The following TENM3 variants were observed in gnomAD, a reference collection of about 807,000 sequenced individuals.
The protein encoded by TENM3 is teneurin transmembrane protein 3.
In TENM3, 63 loss-of-function variants were observed where a neutral mutation model predicts 255.1. That is an observed-to-expected ratio of 0.25 (90% CI 0.20 to 0.30). The LOEUF is 0.30. Among genes scored for constraint, TENM3 ranks in the 10% least tolerant of loss-of-function variants. TENM3 has a pLI of 1.00. For missense variants in TENM3, 2,929 were observed against 3,461.1 expected, an observed-to-expected ratio of 0.85 and a Z score of 3.86; for synonymous variants, 1,306 against 1,322.3, an observed-to-expected ratio of 0.99 and a Z score of 0.27.
chr4:182,050,936 G>A, the TENM3 span, among the ~76,000 whole-genome samples: 2 of 152,182 alleles, frequency 1.3e-5, no homozygotes, highest in South Asian at 2.1e-4. Flanking sequence ...TACAGTGGCT[G>A]GCATAGGAAT....
chr4:181,843,458 G>T, the TENM3 span, among the ~76,000 whole-genome samples: 1 of 152,042 alleles, frequency 6.6e-6, no homozygotes, highest in Non-Finnish European at 1.5e-5. Flanking sequence ...ATCTTGTGAG[G>T]CGCCAGTATA....
At chr4:181,718,332 T>C in the TENM3 span, among the ~76,000 whole-genome samples, 1 of 152,202 alleles carries the variant, frequency 6.6e-6, no homozygotes, top group East Asian at 1.9e-4. Context: ...TACCCGTCAC[T>C]GAAACTTTGT....
chr4:182,239,071 GTGTAT>G (rs1757079560), upstream of TENM3, among the ~76,000 whole-genome samples: 1 of 120,736 alleles, frequency 8.3e-6, no homozygotes, highest in South Asian at 2.4e-4. Context: ...GTGTGTGTGT[GTGTAT>G]TTTTTTTTTT....
chr4:182,514,205 T>G (rs1163028897), intron 3 of TENM3, among the ~76,000 whole-genome samples: 2 of 152,198 alleles, frequency 1.3e-5, no homozygotes, highest in African/African-American at 2.4e-5. Context: ...CTAAATGTTG[T>G]GCGCCTAAAT....
intron 1 of TENM3, among the ~76,000 whole-genome samples, chr4:182,284,148 G>A (rs1254907504): frequency 2.0e-5 from 3 of 152,180 alleles, no homozygotes; most frequent in African/African-American, 7.2e-5. Flanking sequence ...GAACACTTCA[G>A]GTTAGGGTTT....
At chr4:181,913,977 A>G in the TENM3 span, among the ~76,000 whole-genome samples, 30,318 of 152,144 alleles carry the variant, frequency 0.2, 3,300 homozygotes, top group South Asian at 0.3. Context: ...AGAAGATGGT[A>G]GTAGAGCAAA....
At chr4:182,574,604 CCTTT>C (rs1286402340) in intron 3 of TENM3, among the ~76,000 whole-genome samples, 2 of 151,888 alleles carry the variant, frequency 1.3e-5, no homozygotes, top group African/African-American at 4.8e-5. Flanking sequence ...ATTATTTTGG[CCTTT>C]CTGACAGTCA....
chr4:182,785,836 A>C (rs1765608907), intron 24 of TENM3, among the ~76,000 whole-genome samples: 1 of 151,298 alleles, frequency 6.6e-6, no homozygotes, highest in South Asian at 2.1e-4. Flanking sequence ...GTGAAGCAAG[A>C]CCATGTCCTG....
the TENM3 span, among the ~76,000 whole-genome samples, chr4:181,821,266 C>T: frequency 3.3e-5 from 5 of 152,304 alleles, no homozygotes; most frequent in Middle Eastern, 3.4e-3. Flanking sequence ...CTGGCCCTCT[C>T]GTCCAGGCAT....
At chr4:182,052,547 C>G in the TENM3 span, among the ~76,000 whole-genome samples, 1 of 152,144 alleles carries the variant, frequency 6.6e-6, no homozygotes, top group African/African-American at 2.4e-5. Flanking sequence ...CCTTTTCCCT[C>G]GTTTTCATAG....
the TENM3 span, among the ~76,000 whole-genome samples, chr4:181,570,759 T>C: frequency 6.6e-6 from 1 of 151,822 alleles, no homozygotes; most frequent in Admixed American, 6.6e-5. Flanking sequence ...TTGGTGTGAG[T>C]TGGGGTCCTC....
At chr4:181,815,224 G>A in the TENM3 span, among the ~76,000 whole-genome samples, 2 of 151,936 alleles carry the variant, frequency 1.3e-5, no homozygotes, top group South Asian at 2.1e-4. Context: ...GGCCAAGGGG[G>A]GCGGATCACC....
intron 1 of TENM3, among the ~76,000 whole-genome samples, chr4:182,248,845 A>G (rs1458118727): frequency 6.6e-6 from 1 of 152,186 alleles, no homozygotes; most frequent in African/African-American, 2.4e-5. Flanking sequence ...AGTTCTTTAT[A>G]ACCATATATA....
the TENM3 span, among the ~76,000 whole-genome samples, chr4:181,896,379 T>C: frequency 6.6e-6 from 1 of 152,150 alleles, no homozygotes; most frequent in Non-Finnish European, 1.5e-5. Context: ...CCTTTTAAAA[T>C]TAAACTTTGT....
At chr4:181,759,308 G>A in the TENM3 span, among the ~76,000 whole-genome samples, 1 of 151,990 alleles carries the variant, frequency 6.6e-6, no homozygotes, top group African/African-American at 2.4e-5. Context: ...CCAATAGAGG[G>A]ACAAAGACTT....
At chr4:182,280,469 C>A (rs1489435831) in intron 1 of TENM3, among the ~76,000 whole-genome samples, 1 of 152,196 alleles carries the variant, frequency 6.6e-6, no homozygotes, top group East Asian at 1.9e-4. Context: ...TTATCTCTTA[C>A]TCACATAGAA....
chr4:182,505,726 G>C (rs1256600492), intron 3 of TENM3, among the ~76,000 whole-genome samples: 2 of 152,062 alleles, frequency 1.3e-5, no homozygotes, highest in Non-Finnish European at 2.9e-5. Flanking sequence ...AAGGTGCTGG[G>C]ATTACAGGCG....
intron 3 of TENM3, among the ~76,000 whole-genome samples, chr4:182,493,937 T>C (rs1403330289): frequency 6.6e-6 from 1 of 152,146 alleles, no homozygotes; most frequent in Non-Finnish European, 1.5e-5. Flanking sequence ...ATTTGCTAAA[T>C]AGAACAGATG....
chr4:181,536,572 G>C, the TENM3 span, among the ~76,000 whole-genome samples: 3 of 152,216 alleles, frequency 2.0e-5, no homozygotes, highest in South Asian at 4.1e-4. Flanking sequence ...ATCTGATAAG[G>C]AACTGTTACA....
Sources: allele counts gnomAD v4.1 joint callset (sites outside exome capture counted in the v4.1 genomes callset), GRCh38; gene constraint gnomAD v4.1.1; transcripts MANE v1.5; gene names NCBI Gene and HGNC (gene_info 2026-07-23, HGNC 2026-07-21).